SAMD12: variants seen among roughly 807,000 people sequenced by gnomAD.
The protein encoded by SAMD12 is sterile alpha motif domain containing 12.
A neutral mutation model predicts 15.0 loss-of-function variants in SAMD12; 9 were observed. The observed-to-expected ratio is 0.60, with a 90% CI of 0.36 to 1.05. The LOEUF is 1.05. SAMD12 is among the 50% of genes least tolerant of loss of function. The pLI is 0.01. For missense variants in SAMD12, 230 were observed against 234.2 expected (o/e 0.98, Z 0.12); for synonymous variants, 86 against 90.1 (o/e 0.96, Z 0.25).
intron 1 of SAMD12, among the ~76,000 whole-genome samples, chr8:118,584,922 T>TATACACACACAC (rs1554590578): frequency 7.5e-5 from 11 of 147,076 alleles, no homozygotes; most frequent in Admixed American, 2.7e-4. Flanking sequence ...CTTGTAGGTA[T>TATACACACACAC]ACACACACAC....
chr8:118,302,313 C>G lies in SAMD12; in HGVS notation c.433+77247G>C, dbSNP rs115230297. On this transcript the variant is annotated intron_variant, in intron 4 of 4. Transcript: ENST00000409003. ...AATTTGTAGCCACATTCATTTAGTTCTTTGCTCATAAATTCATTTATAATG... is the reference window on the plus strand; with the variant it reads ...AATTTGTAGCCACATTCATTTAGTTGTTTGCTCATAAATTCATTTATAATG... Among the ~76,000 whole-genome samples the G allele has an allele frequency of 6.3e-3, 955 of 152,088 alleles. 11 individuals carry two copies. The highest frequency in any genetic ancestry group is 0.022 in the African/African-American group (907 of 41,466).
At chr8:118,597,596 G>A (rs1010360825) in intron 1 of SAMD12, among the ~76,000 whole-genome samples, 6 of 152,216 alleles carry the variant, frequency 3.9e-5, no homozygotes, top group Non-Finnish European at 7.3e-5. Flanking sequence ...CAGCAGAACT[G>A]AATCTGGGAA....
At chr8:118,423,774 C>A (rs1031823441) in intron 3 of SAMD12, among the ~76,000 whole-genome samples, 1 of 152,256 alleles carries the variant, frequency 6.6e-6, no homozygotes, top group Non-Finnish European at 1.5e-5. Context: ...AACTCACTTT[C>A]CTCATTTGTC....
At chr8:118,330,818 T>C (rs1233251526) in intron 4 of SAMD12, among the ~76,000 whole-genome samples, 3 of 152,038 alleles carry the variant, frequency 2.0e-5, no homozygotes, top group Admixed American at 6.6e-5. Context: ...GACATGATCA[T>C]GAGAAATATG....
chr8:118,408,824 T>TAG (rs1821258178), intron 3 of SAMD12, among the ~76,000 whole-genome samples: 1 of 152,160 alleles, frequency 6.6e-6, no homozygotes, highest in Non-Finnish European at 1.5e-5. Context: ...TTAGCTCACT[T>TAG]TGCCTTAGCT....
At chr8:118,158,092 A>G in the SAMD12 span, among the ~76,000 whole-genome samples, 644 of 152,320 alleles carry the variant, frequency 4.2e-3, 5 homozygotes, top group African/African-American at 0.015. Flanking sequence ...AGGACAGAAT[A>G]TAAGAGAAGT....
the SAMD12 span, among the ~76,000 whole-genome samples, chr8:118,176,828 G>A: frequency 1.3e-5 from 2 of 152,138 alleles, no homozygotes; most frequent in Non-Finnish European, 2.9e-5. Context: ...CACTATTGTA[G>A]TATATAACAA....
intron 2 of SAMD12, among the ~76,000 whole-genome samples, chr8:118,451,067 C>T (rs556529018): frequency 2.0e-5 from 3 of 152,226 alleles, no homozygotes; most frequent in African/African-American, 7.2e-5. Context: ...TGACAACCTG[C>T]AAAGTAGGTA....
chr8:118,460,270 A>C (rs1223813388), intron 2 of SAMD12, among the ~76,000 whole-genome samples: 1 of 152,206 alleles, frequency 6.6e-6, no homozygotes, highest in African/African-American at 2.4e-5. Flanking sequence ...TAAAGTATAA[A>C]AACCCACCAT....
chr8:118,304,048 G>T (rs985224521), intron 4 of SAMD12, among the ~76,000 whole-genome samples: 1 of 152,092 alleles, frequency 6.6e-6, no homozygotes, highest in African/African-American at 2.4e-5. Context: ...AGCCTTCCTA[G>T]TTGTCTTCAT....
chr8:118,154,684 A>G, the SAMD12 span, among the ~76,000 whole-genome samples: 1 of 152,220 alleles, frequency 6.6e-6, no homozygotes, highest in Non-Finnish European at 1.5e-5. Context: ...ATATAGCCGT[A>G]AGAGGCAGTT....
chr8:118,388,692 A>T (rs59286592), intron 3 of SAMD12, among the ~76,000 whole-genome samples: 20,425 of 152,114 alleles, frequency 0.13, 1,766 homozygotes, highest in Non-Finnish European at 0.18. Flanking sequence ...AGACCAGAAT[A>T]TCTACATTTC....
intron 3 of SAMD12, among the ~76,000 whole-genome samples, chr8:118,433,522 C>G (rs1471354070): frequency 1.3e-5 from 2 of 151,604 alleles, no homozygotes; most frequent in African/African-American, 2.4e-5. Flanking sequence ...AAGTTCAGTA[C>G]CCTTGTTTTA....
At position 118,621,908 on chromosome 8, in the gene SAMD12, A is replaced by G; in HGVS notation, c.-92T>C. On this transcript the variant is annotated 5_prime_UTR_variant, in exon 1 of 4. Coordinates refer to ENST00000314727, the MANE Select transcript of SAMD12 (RefSeq NM_207506.3). ...CCCCCTTCCTCTCGCTTTCGCCTAAATATTCTGCGCTTATCTGCTCCAGGA... is the reference window on the plus strand; with the variant it reads ...CCCCCTTCCTCTCGCTTTCGCCTAAGTATTCTGCGCTTATCTGCTCCAGGA... 1 of 1,439,354 alleles carries G rather than the reference A, an allele frequency of 6.9e-7. No individual in the cohort carries two copies. Among genetic ancestry groups the G allele is most frequent in the Non-Finnish European group, 9.8e-7 (1 of 1,020,806 alleles). 89.2% of individuals were successfully genotyped at this position (1,439,354 alleles called of 1,614,324 possible).
intron 4 of SAMD12, among the ~76,000 whole-genome samples, chr8:118,332,076 C>T (rs1275902370): frequency 6.6e-6 from 1 of 151,850 alleles, no homozygotes; most frequent in Non-Finnish European, 1.5e-5. Flanking sequence ...GGCCATATAG[C>T]AAAACTAGCT....
At chr8:118,442,593 T>G (rs1822795677) in intron 2 of SAMD12, among the ~76,000 whole-genome samples, 1 of 152,262 alleles carries the variant, frequency 6.6e-6, no homozygotes, top group African/African-American at 2.4e-5. Flanking sequence ...CATCATCACC[T>G]CCTTTCCTTT....
chr8:118,521,485 C>A (rs1237883704), intron 2 of SAMD12, among the ~76,000 whole-genome samples: 2 of 152,194 alleles, frequency 1.3e-5, no homozygotes, highest in Non-Finnish European at 2.9e-5. Flanking sequence ...GTCATTTATT[C>A]TTCCATTCTC....
chr8:118,254,666 C>T (rs1812892752), intron 4 of SAMD12, among the ~76,000 whole-genome samples: 1 of 152,054 alleles, frequency 6.6e-6, no homozygotes, highest in Non-Finnish European at 1.5e-5. Flanking sequence ...CATGGCCACA[C>T]CACATGACAG....
chr8:118,432,038 CCTTGAAGGCA>C (rs1822433829), intron 3 of SAMD12, among the ~76,000 whole-genome samples: 1 of 152,050 alleles, frequency 6.6e-6, no homozygotes, highest in Admixed American at 6.6e-5. Context: ...CTGATGATCC[CCTTGAAGGCA>C]CTCTTACTCG....
Sources: allele counts gnomAD v4.1 joint callset (sites outside exome capture counted in the v4.1 genomes callset), GRCh38; gene constraint gnomAD v4.1.1; transcripts MANE v1.5; gene names NCBI Gene and HGNC (gene_info 2026-07-23, HGNC 2026-07-21).